CNTNAP3: variants seen among roughly 807,000 people sequenced by gnomAD.
CNTNAP3 encodes the protein contactin associated protein family member 3, also known as contactin-associated protein-like 3.
CNTNAP3 carries 36 observed loss-of-function variants against 92.1 expected under a neutral mutation model. The observed-to-expected ratio is 0.39, with a 90% CI of 0.30 to 0.52. The LOEUF is 0.52. Among genes scored for constraint, CNTNAP3 ranks in the 20% least tolerant of loss-of-function variants. The probability of loss-of-function intolerance (pLI) is 0.76; values close to 1 mark genes in which losing one functional copy is unlikely to be tolerated. For missense variants in CNTNAP3, 534 were observed against 1,069.6 expected (o/e 0.50, Z 6.98); for synonymous variants, 232 against 422.3 (o/e 0.55, Z 5.53).
Position 39,069,480 on chromosome 9 carries a change from T to A in CNTNAP3, c.*4410A>T. On this transcript the variant is annotated 3_prime_UTR_variant, in exon 24 of 24. Coordinates refer to ENST00000297668, the MANE Select transcript of CNTNAP3 (RefSeq NM_033655.5). ...AGTTCATCTTATGATTTTAAACATT[T>A]TTATTCACAGAGCAAATGCAACCAT... Among the ~76,000 whole-genome samples the A allele has an allele frequency of 6.6e-6, 1 of 152,312 alleles. No homozygotes were observed. Among genetic ancestry groups the A allele is most frequent in the Non-Finnish European group, 1.5e-5 (1 of 68,058 alleles).
At chr9:39,154,856 C>A (rs192780798) in intron 9 of CNTNAP3, 1 of 227,450 alleles carries the variant, frequency 4.4e-6, no homozygotes, top group South Asian at 5.1e-5. Flanking sequence ...GCAGGGGCTG[C>A]GAGATGCCTT....
At chr9:39,082,470 A>AAAC (rs1554713704) in intron 21 of CNTNAP3, among the ~76,000 whole-genome samples, 8 of 150,132 alleles carry the variant, frequency 5.3e-5, no homozygotes, top group Non-Finnish European at 1.0e-4. Flanking sequence ...GGAAAAAAAA[A>AAAC]CCCACAAAAT....
At chr9:39,148,098 G>A (rs541341821) in intron 10 of CNTNAP3, among the ~76,000 whole-genome samples, 35 of 151,992 alleles carry the variant, frequency 2.3e-4, no homozygotes, top group African/African-American at 8.0e-4. Flanking sequence ...GTGAGCAAAT[G>A]GCCAGAAACC....
chr9:39,135,808 C>T (rs1402564618), intron 12 of CNTNAP3, among the ~76,000 whole-genome samples: 4 of 152,048 alleles, frequency 2.6e-5, no homozygotes, highest in Non-Finnish European at 5.9e-5. Flanking sequence ...TTATTAACTA[C>T]TGTACTGAGA....
intron 10 of CNTNAP3, among the ~76,000 whole-genome samples, chr9:39,146,985 G>C (rs1821718397): frequency 6.6e-6 from 1 of 152,134 alleles, no homozygotes; most frequent in Non-Finnish European, 1.5e-5. Context: ...ACCTGTGGGA[G>C]GTAACTGAAT....
At chr9:39,140,770 A>T in intron 11 of CNTNAP3, 132 bp from the exon 12 acceptor site, 2 of 1,289,516 alleles carry the variant, frequency 1.6e-6, no homozygotes, top group Non-Finnish European at 2.0e-6. Flanking sequence ...AGTGTATGAC[A>T]GTATATTTGA....
intron 21 of CNTNAP3, among the ~76,000 whole-genome samples, chr9:39,083,402 T>A (rs1397714790): frequency 6.6e-6 from 1 of 152,176 alleles, no homozygotes; most frequent in Non-Finnish European, 1.5e-5. Flanking sequence ...GGCTCACACC[T>A]GTAATCCCAG....
rs1009633950 is a variant in CNTNAP3 at position 39,272,482 on chromosome 9, TATGAGA to T, written c.86-5482_86-5477del. Among the ~76,000 whole-genome samples, 101 of 19,938 alleles carry T rather than the reference TATGAGA, an allele frequency of 5.1e-3. 30 individuals are homozygous for T. The highest frequency in any genetic ancestry group is 0.01 in the African/African-American group (101 of 9,960). The allele number at this position is 19,938 out of a possible 152,430, so 13.1% of individuals were successfully genotyped here. Reference sequence around the variant, plus strand: ...ATAGATTTTTGGCTAAAGTATATAATATGAGAATAAGATGAACCTATTTTTTTGAGA... The same window carrying T: ...ATAGATTTTTGGCTAAAGTATATAATATAAGATGAACCTATTTTTTTGAGA... On this transcript the variant is annotated intron_variant, in intron 1 of 23. Coordinates refer to ENST00000297668, the MANE Select transcript of CNTNAP3 (RefSeq NM_033655.5).
Position 39,067,975 on chromosome 9 carries a change from T to A in CNTNAP3, c.*5915A>T, listed in dbSNP as rs1286562302. 3.3e-5 allele frequency among the ~76,000 whole-genome samples: 5 copies of A among 152,300 alleles called. No homozygotes were observed. The highest frequency in any genetic ancestry group is 7.3e-5 in the Non-Finnish European group (5 of 68,050). On this transcript the variant is annotated 3_prime_UTR_variant, in exon 24 of 24. Coordinates refer to ENST00000297668, the MANE Select transcript of CNTNAP3 (RefSeq NM_033655.5). Reference sequence around the variant, plus strand: ...GAACATGCACTCTCAGTGAGAGTAATATTGTCCCCAAAACGACAGAAATTA... The same window carrying A: ...GAACATGCACTCTCAGTGAGAGTAAAATTGTCCCCAAAACGACAGAAATTA...
At chr9:39,086,504 T>A (rs1215215259) in intron 20 of CNTNAP3, 18 of 677,840 alleles carry the variant, frequency 2.7e-5, no homozygotes, top group Non-Finnish European at 4.2e-5. Context: ...TTTGACAGAA[T>A]TGCATTGCTA....
chr9:39,100,741 T>C (rs1826437481), intron 17 of CNTNAP3, among the ~76,000 whole-genome samples: 1 of 151,904 alleles, frequency 6.6e-6, no homozygotes, highest in Non-Finnish European at 1.5e-5. Flanking sequence ...TAAACAGTAA[T>C]TGAATACTGC....
chr9:39,069,645 C>T lies in CNTNAP3; in HGVS notation c.*4245G>A, dbSNP rs1486140213. Among the ~76,000 whole-genome samples, 1 of 152,414 alleles carries T rather than the reference C, an allele frequency of 6.6e-6. No homozygotes were observed. Among genetic ancestry groups the T allele is most frequent in the Non-Finnish European group, 1.5e-5 (1 of 68,034 alleles). ...GAAGTAGTGCTTCAGTACATTTTCC[C>T]GACGATATGATTAATCCATAATAAA... On this transcript the variant is annotated 3_prime_UTR_variant, in exon 24 of 24. Transcript: ENST00000297668.
At chr9:39,104,866 G>C (rs1164834091) in intron 15 of CNTNAP3, among the ~76,000 whole-genome samples, 6 of 152,186 alleles carry the variant, frequency 3.9e-5, no homozygotes, top group African/African-American at 1.4e-4. Context: ...GCCCATCACT[G>C]GTCCTGTTAG....
intron 21 of CNTNAP3, 57 bp from the exon 22 acceptor site, chr9:39,078,977 G>A (rs1825863705): frequency 2.8e-6 from 4 of 1,413,774 alleles, no homozygotes; most frequent in Non-Finnish European, 3.8e-6. Flanking sequence ...GGGGGCGCAG[G>A]CACACCCCGC....
intron 14 of CNTNAP3, among the ~76,000 whole-genome samples, chr9:39,114,208 G>A (rs554307965): frequency 4.0e-5 from 6 of 149,884 alleles, no homozygotes; most frequent in East Asian, 2.0e-4. Flanking sequence ...TCAGCCTCCC[G>A]AGTAGCTGGG....
Position 39,110,881 on chromosome 9 carries a change from G to A in CNTNAP3, c.2238-1594C>T, listed in dbSNP as rs557226067. Among the ~76,000 whole-genome samples, 132 of 152,064 alleles carry A rather than the reference G, an allele frequency of 8.7e-4. 1 individual carries two copies. The highest frequency in any genetic ancestry group is 1.6e-3 in the Non-Finnish European group (107 of 68,002). Reference sequence around the variant, plus strand: ...TTACAGACAAAACACTCTTAGTCCAGTTATGGTTAGAAACTCCACAGTATC... The same window carrying A: ...TTACAGACAAAACACTCTTAGTCCAATTATGGTTAGAAACTCCACAGTATC... On this transcript the variant is annotated intron_variant, in intron 14 of 23. Transcript: ENST00000297668.
chr9:39,103,556 T>A, intron 16 of CNTNAP3, 188 bp downstream of exon 16: 1 of 624,726 alleles, frequency 1.6e-6, no homozygotes, highest in Admixed American at 3.5e-5. Flanking sequence ...CACTCCAGCA[T>A]GAGTGACACA....
At chr9:39,139,044 A>G (rs1158698480) in intron 12 of CNTNAP3, among the ~76,000 whole-genome samples, 1 of 152,152 alleles carries the variant, frequency 6.6e-6, no homozygotes, top group Non-Finnish European at 1.5e-5. Flanking sequence ...GAAATTGCAC[A>G]TTTTATAATC....
At chr9:39,094,048 T>C (rs1224644024) in intron 18 of CNTNAP3, among the ~76,000 whole-genome samples, 1 of 151,486 alleles carries the variant, frequency 6.6e-6, no homozygotes, top group Non-Finnish European at 1.5e-5. Context: ...TATTTATTTA[T>C]TTATTTTTAT....
Sources: allele counts gnomAD v4.1 joint callset (sites outside exome capture counted in the v4.1 genomes callset), GRCh38; gene constraint gnomAD v4.1.1; transcripts MANE v1.5; gene names NCBI Gene and HGNC (gene_info 2026-07-23, HGNC 2026-07-21).